The following WWOX variants were observed in gnomAD, a reference collection of about 807,000 sequenced individuals.
WWOX encodes WW domain containing oxidoreductase, also known as WW domain-containing oxidoreductase.
A neutral mutation model predicts 46.2 loss-of-function variants in WWOX; 69 were observed. The ratio of observed to expected loss-of-function variants is 1.49; its 90% CI spans 1.23 to 1.82. The LOEUF (loss-of-function observed/expected upper bound fraction) is 1.82. WWOX is among the 40% of genes most tolerant of loss of function. The probability of loss-of-function intolerance (pLI) is 0.00; values close to 1 mark genes in which losing one functional copy is unlikely to be tolerated. For synonymous variants in WWOX, 359 were observed against 202.6 expected (o/e 1.77, Z -6.56); for missense variants, 919 against 542.6 (o/e 1.69, Z -6.89).
chr16:78,864,974 G>A (rs1427352801), intron 8 of WWOX, among the ~76,000 whole-genome samples: 1 of 151,732 alleles, frequency 6.6e-6, no homozygotes. Context: ...TGTTGGCCAG[G>A]CTGGTCTTGA....
chr16:78,969,255 C>G (rs1044041291), intron 8 of WWOX, among the ~76,000 whole-genome samples: 3 of 133,322 alleles, frequency 2.3e-5, no homozygotes, highest in Admixed American at 7.4e-5. Flanking sequence ...CCACCCTGCT[C>G]TCTCTCTCTC....
intron 5 of WWOX, among the ~76,000 whole-genome samples, chr16:78,182,031 T>C (rs2035546913): frequency 6.6e-6 from 1 of 152,098 alleles, no homozygotes; most frequent in Non-Finnish European, 1.5e-5. Context: ...TCTGAAAGGA[T>C]TGAGCTGTAA....
intron 8 of WWOX, among the ~76,000 whole-genome samples, chr16:78,714,395 A>T (rs181967171): frequency 5.9e-5 from 9 of 152,124 alleles, no homozygotes; most frequent in Admixed American, 5.9e-4. Context: ...AGATCTCGTG[A>T]GACTTATTCA....
chr16:78,377,504 A>T (rs1328886964), intron 5 of WWOX, among the ~76,000 whole-genome samples: 1 of 152,208 alleles, frequency 6.6e-6, no homozygotes, highest in Non-Finnish European at 1.5e-5. Context: ...AGTTAACGTA[A>T]ATCATCACTT....
chr16:78,504,649 C>T (rs190685611), intron 8 of WWOX, among the ~76,000 whole-genome samples: 198 of 152,198 alleles, frequency 1.3e-3, no homozygotes, highest in African/African-American at 4.4e-3. Flanking sequence ...AAATATGACT[C>T]GGTTTATCCT....
chr16:78,815,401 G>T (rs1597659374), intron 8 of WWOX, among the ~76,000 whole-genome samples: 1 of 151,914 alleles, frequency 6.6e-6, no homozygotes, highest in South Asian at 2.1e-4. Flanking sequence ...TTACTAACTG[G>T]AGTACATTGC....
chr16:78,183,270 G>A (rs1034441654), intron 5 of WWOX, among the ~76,000 whole-genome samples: 7 of 152,180 alleles, frequency 4.6e-5, no homozygotes, highest in Admixed American at 1.3e-4. Flanking sequence ...TGTTGGGGGC[G>A]GTGTGGCTGG....
At chr16:78,618,746 C>T (rs2550588) in intron 8 of WWOX, among the ~76,000 whole-genome samples, 28,920 of 151,598 alleles carry the variant, frequency 0.19, 2,977 homozygotes, top group African/African-American at 0.25. Flanking sequence ...GAGAGAATTC[C>T]CCACTGTCTT....
At chr16:78,381,490 C>G (rs531656335) in intron 5 of WWOX, among the ~76,000 whole-genome samples, 4 of 152,276 alleles carry the variant, frequency 2.6e-5, no homozygotes, top group African/African-American at 7.2e-5. Context: ...GGCTTCTGAG[C>G]TACATAGAAG....
At chr16:78,407,242 C>T (rs970827646) in intron 6 of WWOX, among the ~76,000 whole-genome samples, 1 of 152,164 alleles carries the variant, frequency 6.6e-6, no homozygotes, top group Non-Finnish European at 1.5e-5. Flanking sequence ...ACTGTGGGTC[C>T]TTGGGCCCTT....
rs538188434 is a variant in WWOX at position 78,863,847 on chromosome 16, T to G, written c.1057-347761T>G. ...TATGTCCACATCCTATAAATGCTAT[T>G]GTACAATATATGGTCTTTTGTGATT... On this transcript the variant is annotated intron_variant, in intron 8 of 8. Transcript: ENST00000566780. 3.3e-5 allele frequency among the ~76,000 whole-genome samples: 5 copies of G among 152,340 alleles called. No homozygotes were observed. In the South Asian group the frequency reaches 1.0e-3, roughly 32 times the overall value.
At chr16:79,082,550 G>A (rs2048780136) in intron 8 of WWOX, among the ~76,000 whole-genome samples, 1 of 152,134 alleles carries the variant, frequency 6.6e-6, no homozygotes, top group Non-Finnish European at 1.5e-5. Flanking sequence ...CCATCTTCAT[G>A]GGTTGATCAT....
chr16:78,309,829 C>A (rs968389938), intron 5 of WWOX, among the ~76,000 whole-genome samples: 2 of 152,200 alleles, frequency 1.3e-5, no homozygotes, highest in Admixed American at 6.5e-5. Context: ...AACTCTAATC[C>A]TGGCTCCACT....
intron 8 of WWOX, among the ~76,000 whole-genome samples, chr16:78,683,309 G>A (rs2047774364): frequency 8.3e-6 from 1 of 120,402 alleles, no homozygotes. Flanking sequence ...TCAGGAGGGC[G>A]GGTGGATTGC....
intron 3 of WWOX, among the ~76,000 whole-genome samples, chr16:78,114,544 C>T (rs1010128283): frequency 6.6e-6 from 1 of 152,142 alleles, no homozygotes; most frequent in Non-Finnish European, 1.5e-5. Flanking sequence ...ACAACTAAGA[C>T]TTTATCATTT....
intron 8 of WWOX, among the ~76,000 whole-genome samples, chr16:78,628,626 T>A (rs4888819): frequency 0.51 from 76,840 of 152,046 alleles, 19,821 homozygotes; most frequent in Admixed American, 0.59. Context: ...CAGCAATTTT[T>A]TTTTTTTAGC....
At chr16:78,320,160 C>T (rs570712424) in intron 5 of WWOX, among the ~76,000 whole-genome samples, 1 of 152,156 alleles carries the variant, frequency 6.6e-6, no homozygotes, top group Non-Finnish European at 1.5e-5. Context: ...TGACTGTATA[C>T]AGAGTCTGAG....
At chr16:78,528,273 C>G (rs904102392) in intron 8 of WWOX, among the ~76,000 whole-genome samples, 2 of 148,808 alleles carry the variant, frequency 1.3e-5, no homozygotes, top group African/African-American at 2.5e-5. Context: ...CTCGGCCTCA[C>G]AAAGTGCTGG....
At chr16:78,274,096 C>T (rs2079534545) in intron 5 of WWOX, among the ~76,000 whole-genome samples, 1 of 152,160 alleles carries the variant, frequency 6.6e-6, no homozygotes, top group African/African-American at 2.4e-5. Flanking sequence ...TAGATTCTCC[C>T]AGTATACCCT....
Sources: allele counts gnomAD v4.1 joint callset (sites outside exome capture counted in the v4.1 genomes callset), GRCh38; gene constraint gnomAD v4.1.1; transcripts MANE v1.5; gene names NCBI Gene and HGNC (gene_info 2026-07-23, HGNC 2026-07-21).